SHISA9: variants seen among roughly 807,000 people sequenced by gnomAD.
SHISA9 encodes shisa family member 9, also known as protein shisa-9.
SHISA9 carries 13 observed loss-of-function variants against 38.0 expected under a neutral mutation model. That is an observed-to-expected ratio of 0.34 (90% CI 0.22 to 0.54). The LOEUF is 0.54. Among genes scored for constraint, SHISA9 ranks in the 20% least tolerant of loss-of-function variants. SHISA9 has a pLI of 0.91. For missense variants in SHISA9, 538 were observed against 575.8 expected (o/e 0.93, Z 0.67); for synonymous variants, 275 against 242.0 (o/e 1.14, Z -1.27).
At chr16:13,529,958 C>G in the SHISA9 span, among the ~76,000 whole-genome samples, 1 of 152,228 alleles carries the variant, frequency 6.6e-6, no homozygotes, top group Non-Finnish European at 1.5e-5. Flanking sequence ...AGAGCAGAAG[C>G]TTACTACAGA....
the SHISA9 span, among the ~76,000 whole-genome samples, chr16:13,313,434 A>T: frequency 2.0e-5 from 3 of 152,232 alleles, no homozygotes; most frequent in Non-Finnish European, 4.4e-5. Context: ...CCCAACCATC[A>T]TAGCAGGAAA....
At chr16:12,946,979 A>G (rs1179581444) in intron 2 of SHISA9, among the ~76,000 whole-genome samples, 1 of 152,258 alleles carries the variant, frequency 6.6e-6, no homozygotes, top group Non-Finnish European at 1.5e-5. Flanking sequence ...AGTCGTTGTG[A>G]CAGTGACTGT....
At chr16:13,173,099 G>A in intron 2 of SHISA9, among the ~76,000 whole-genome samples, 1 of 151,892 alleles carries the variant, frequency 6.6e-6, no homozygotes, top group African/African-American at 2.4e-5. Flanking sequence ...TTTCTTCTCT[G>A]TATGAATATT....
chr16:13,414,509 A>G, the SHISA9 span, among the ~76,000 whole-genome samples: 1 of 152,188 alleles, frequency 6.6e-6, no homozygotes, highest in Non-Finnish European at 1.5e-5. Context: ...GCCTCATTTT[A>G]AAAGACAAGG....
intron 2 of SHISA9, among the ~76,000 whole-genome samples, chr16:13,057,872 G>C (rs946960943): frequency 6.6e-6 from 1 of 152,058 alleles, no homozygotes; most frequent in Admixed American, 6.6e-5. Flanking sequence ...TCATTGTTCA[G>C]CTCCCACTTA....
chr16:13,151,674 T>C (rs2050500809), intron 2 of SHISA9, among the ~76,000 whole-genome samples: 3 of 152,206 alleles, frequency 2.0e-5, no homozygotes, highest in African/African-American at 7.2e-5. Context: ...ACTAAATACG[T>C]TTTAGATTCT....
At chr16:13,422,422 G>A in the SHISA9 span, among the ~76,000 whole-genome samples, 9 of 152,116 alleles carry the variant, frequency 5.9e-5, no homozygotes, top group South Asian at 2.1e-4. Flanking sequence ...TAGGCTGGGC[G>A]TGGTGGCTCA....
At chr16:12,970,367 ATACATATATATATACATATATG>A (rs1182916061) in intron 2 of SHISA9, among the ~76,000 whole-genome samples, 1 of 94,302 alleles carries the variant, frequency 1.1e-5, no homozygotes, top group African/African-American at 4.8e-5. Flanking sequence ...ATATATATAT[ATACATATATATATACATATATG>A]TATATATATA....
intron 2 of SHISA9, among the ~76,000 whole-genome samples, chr16:12,970,194 G>A (rs1238008641): frequency 1.4e-5 from 2 of 148,016 alleles, no homozygotes; most frequent in Non-Finnish European, 3.0e-5. Context: ...TTCAATGACA[G>A]ATTTAGGGGG....
At chr16:13,498,999 A>G in the SHISA9 span, among the ~76,000 whole-genome samples, 24 of 152,174 alleles carry the variant, frequency 1.6e-4, no homozygotes, top group Non-Finnish European at 5.9e-5. Flanking sequence ...TGTTCTCCAG[A>G]CATAAGGTGA....
chr16:13,071,122 T>C (rs2073508567), intron 2 of SHISA9, among the ~76,000 whole-genome samples: 1 of 152,106 alleles, frequency 6.6e-6, no homozygotes, highest in Non-Finnish European at 1.5e-5. Flanking sequence ...TGCACAACAA[T>C]GTGAATGTAT....
chr16:13,246,828 C>T, the SHISA9 span, among the ~76,000 whole-genome samples: 1 of 151,952 alleles, frequency 6.6e-6, no homozygotes, highest in African/African-American at 2.4e-5. Context: ...AGATAAAGCA[C>T]TTAGAACTGT....
chr16:13,051,159 A>G (rs1189206148), intron 2 of SHISA9, among the ~76,000 whole-genome samples: 1 of 152,228 alleles, frequency 6.6e-6, no homozygotes, highest in Non-Finnish European at 1.5e-5. Flanking sequence ...AATTTGTAAA[A>G]GAAAGAGGTT....
intron 2 of SHISA9, among the ~76,000 whole-genome samples, chr16:13,137,224 G>C (rs2050357637): frequency 1.3e-5 from 2 of 152,172 alleles, no homozygotes; most frequent in Non-Finnish European, 2.9e-5. Context: ...ATGGGAGGCA[G>C]ATAGTGGAAT....
intron 2 of SHISA9, among the ~76,000 whole-genome samples, chr16:13,192,655 C>A (rs554972158): frequency 1.0e-3 from 156 of 152,222 alleles, no homozygotes; most frequent in African/African-American, 3.5e-3. Context: ...GCGGGTGGAT[C>A]ACGAGGTCAG....
intron 2 of SHISA9, among the ~76,000 whole-genome samples, chr16:13,004,158 C>T (rs941200026): frequency 6.6e-6 from 1 of 152,168 alleles, no homozygotes; most frequent in Non-Finnish European, 1.5e-5. Context: ...TGGGTCTCTT[C>T]TTTAAGCCTC....
chr16:13,318,803 A>G, the SHISA9 span, among the ~76,000 whole-genome samples: 1 of 152,222 alleles, frequency 6.6e-6, no homozygotes, highest in Non-Finnish European at 1.5e-5. Context: ...ATGATCAAAT[A>G]AACCTGGATC....
chr16:13,257,773 A>G, the SHISA9 span, among the ~76,000 whole-genome samples: 1 of 152,148 alleles, frequency 6.6e-6, no homozygotes, highest in Non-Finnish European at 1.5e-5. Context: ...TCTTCTTAAT[A>G]TTTTAGGCTC....
intron 2 of SHISA9, among the ~76,000 whole-genome samples, chr16:13,147,883 T>G (rs1407626651): frequency 6.6e-6 from 1 of 152,210 alleles, no homozygotes; most frequent in African/African-American, 2.4e-5. Context: ...TGAGCATAGC[T>G]TGAGAGAAGC....
Sources: gnomAD v4.1 joint callset for allele counts (sites outside exome capture counted in the v4.1 genomes callset) on GRCh38, gnomAD v4.1.1 for gene constraint, MANE v1.5 for transcripts, NCBI Gene and HGNC (gene_info 2026-07-23, HGNC 2026-07-21) for gene names.